The following COMMD8 variants were observed in gnomAD, a reference collection of about 807,000 sequenced individuals.
COMMD8 encodes COMM domain containing 8.
Under a neutral mutation model 27.2 loss-of-function variants are expected in COMMD8, and 28 were observed. That is an observed-to-expected ratio of 1.03 (90% CI 0.76 to 1.41). The LOEUF (loss-of-function observed/expected upper bound fraction) is 1.41. COMMD8 is among the 40% of genes most tolerant of loss of function. The pLI, the probability that COMMD8 is intolerant of heterozygous loss-of-function variation, is 0.00. For missense variants in COMMD8, 217 were observed against 211.2 expected (o/e 1.03, Z -0.17); for synonymous variants, 79 against 75.5 (o/e 1.05, Z -0.24).
At chr4:47,452,232 C>A (rs1729771142) in intron 4 of COMMD8, among the ~76,000 whole-genome samples, 1 of 152,166 alleles carries the variant, frequency 6.6e-6, no homozygotes, top group African/African-American at 2.4e-5. Flanking sequence ...TGTTATTTAG[C>A]CACTCCATTG....
rs896230638 is a variant in COMMD8, at chr4:47,457,932, T to TA, written c.223-1204dup. On this transcript the variant is annotated intron_variant, in intron 2 of 4. Transcript: ENST00000381571. ...TTGGCAATCCAAATCAAGAGATATA[T>TA]AAAAAAAAAGATAATACATCACGAT... Among the ~76,000 whole-genome samples, 17 of 149,808 alleles carry TA rather than the reference T, an allele frequency of 1.1e-4. No individual in the cohort carries two copies. In the South Asian group the frequency reaches 1.3e-3, roughly 11 times the overall value.
At position 47,450,988 on chromosome 4, in the gene COMMD8, G is replaced by C. The variant is rs1228770605; in HGVS notation, c.*657C>G. On this transcript the variant is annotated 3_prime_UTR_variant, in exon 5 of 5. Transcript: ENST00000381571. The stretch of plus-strand genomic sequence containing the variant: ...ATCAGAGCAATGTTTCCCAAACATA[G>C]AAGCGCAGAAGTAAAATGTTATTTT... The C allele has an allele frequency of 1.3e-5, 2 of 152,300 alleles. No homozygotes were observed. Among genetic ancestry groups the C allele is most frequent in the African/African-American group, 4.8e-5 (2 of 41,458 alleles). 9.4% of individuals were successfully genotyped at this position (152,300 alleles called of 1,614,324 possible). A position where few individuals can be genotyped will look rare whatever the true frequency, so the allele number is the denominator to read the frequency against.
chr4:47,462,422 G>C (rs1283218172), intron 1 of COMMD8, among the ~76,000 whole-genome samples: 1 of 152,120 alleles, frequency 6.6e-6, no homozygotes, highest in African/African-American at 2.4e-5. Context: ...GGGAGGAGTA[G>C]GTCCAGGGGG....
chr4:47,463,101 G>A (rs1730103373), intron 1 of COMMD8, among the ~76,000 whole-genome samples: 1 of 152,132 alleles, frequency 6.6e-6, no homozygotes, highest in South Asian at 2.1e-4. Context: ...GAAGTCAATG[G>A]GTACATCACC....
intron 1 of COMMD8, among the ~76,000 whole-genome samples, chr4:47,462,679 A>G (rs1357109635): frequency 6.6e-6 from 1 of 152,148 alleles, no homozygotes; most frequent in African/African-American, 2.4e-5. Context: ...CCAAAAGCCA[A>G]TAAAACACTC....
intron 3 of COMMD8, among the ~76,000 whole-genome samples, chr4:47,455,223 C>T (rs572551311): frequency 4.6e-4 from 70 of 152,250 alleles, no homozygotes; most frequent in African/African-American, 1.6e-3. Context: ...GCCATGTTGG[C>T]CAGGCCAGTC....
In COMMD8 at chr4:47,453,204, G is replaced by C. The variant is rs763205373; in HGVS notation, c.386C>G (p.Ser129Cys). 4 of 1,613,238 alleles carry C rather than the reference G, an allele frequency of 2.5e-6. No homozygotes were observed. The African/African-American group carries it at 4.0e-5, about 16-fold the overall frequency. ...TCGTAATGCAGCAATCTTGTCACTG[G>C]AAAGTGCAAGCTGTTTAAAATCAGA... Reference protein sequence around the residue: ...DFDWQVKLALSSDKIAALRMP... With the variant: ...DFDWQVKLALCSDKIAALRMP... The change falls in exon 4 of 5, where the codon TCC becomes TGC. Residue 129 changes from serine to cysteine, a missense_variant. Coordinates refer to ENST00000381571, the MANE Select transcript of COMMD8 (RefSeq NM_017845.5).
At chr4:47,463,452 C>T in intron 1 of COMMD8, 134 bp downstream of exon 1, 1 of 839,714 alleles carries the variant, frequency 1.2e-6, no homozygotes, top group Non-Finnish European at 1.8e-6. Flanking sequence ...GACCAACCAC[C>T]CGAAATCACG....
Position 47,453,082 on chromosome 4 carries a change from G to A in COMMD8, c.508C>T (p.Gln170Ter), listed in dbSNP as rs145833048. The A allele has an allele frequency of 6.3e-5, 101 of 1,612,940 alleles. No individual in the cohort carries two copies. Among genetic ancestry groups the A allele is most frequent in the African/African-American group, 9.4e-5 (7 of 74,810 alleles). Residue 170 changes from glutamine (Q) to a stop codon, truncating the protein, a stop_gained, in exon 4 of 5, where the codon CAG (glutamine) becomes TAG (stop). Transcript: ENST00000381571. LOFTEE classifies it high-confidence loss of function. ...ACCTTATTCGCTGCTTCCAAGGACT[G>A]TATTAGATTCTGCAGCTCCTCTCTA... The part of the protein sequence containing the change: ...MSREELQNLI[Q>*]SLEAANKVVL...
chr4:47,451,677 A>T lies in COMMD8; in HGVS notation c.532-12T>A. 6.4e-7 allele frequency: 1 copy of T among 1,564,518 alleles called. No homozygotes were observed. The highest frequency in any genetic ancestry group is 8.6e-7 in the Non-Finnish European group (1 of 1,159,044). On this transcript the variant is annotated splice_polypyrimidine_tract_variant and intron_variant, in intron 4 of 4. Transcript: ENST00000381571. Reference sequence around the variant, plus strand: ...AACTGCAGGACCACCTTAAAACACAAATTGAAGAGAAAATATCAGGTTATA... The same window carrying T: ...AACTGCAGGACCACCTTAAAACACATATTGAAGAGAAAATATCAGGTTATA...
chr4:47,454,178 G>A (rs1331710777), intron 3 of COMMD8, among the ~76,000 whole-genome samples: 1 of 152,182 alleles, frequency 6.6e-6, no homozygotes, highest in African/African-American at 2.4e-5. Context: ...GTGCTACCTT[G>A]AGAAGCGGTT....
chr4:47,458,181 T>C (rs1729939320), intron 2 of COMMD8, among the ~76,000 whole-genome samples: 1 of 152,102 alleles, frequency 6.6e-6, no homozygotes, highest in African/African-American at 2.4e-5. Flanking sequence ...GGTGAAATAG[T>C]AAACACTTTC....
chr4:47,460,145 T>A lies in COMMD8; in HGVS notation c.221A>T (p.Glu74Val). The change falls in exon 2 of 5, where the codon GAG (glutamate) becomes GTG (valine). Residue 74 changes from glutamate to valine, a missense_variant and splice_region_variant. By Grantham distance (121) the Glu-to-Val change is moderately radical (BLOSUM62 -2). Coordinates refer to ENST00000381571, the MANE Select transcript of COMMD8 (RefSeq NM_017845.5). ...TATAGAAATGTGCAGAGAAGTTACC[T>A]CTTCATCAGGTAAGTTTTTACCAAC... ...AIVGKNLPDE[E>V]IFQQLNQLNS... The A allele has an allele frequency of 1.2e-6, 2 of 1,612,168 alleles. No homozygotes were observed. The highest frequency in any genetic ancestry group is 1.7e-6 in the Non-Finnish European group (2 of 1,179,138).
rs753734842 is a variant in COMMD8 at position 47,453,149 on chromosome 4, T to A, written c.441A>T (p.Val147=). 1 of 1,614,000 alleles carries A rather than the reference T, an allele frequency of 6.2e-7. No homozygotes were observed. The highest frequency in any genetic ancestry group is 1.1e-5 in the South Asian group (1 of 91,088). ...AAGGTTTTACTTCACCATTTTCTTT[T>A]ACATCTAGATGCAGGCTTAAAAGTG... is the stretch of plus-strand genomic sequence containing the variant. ...RMPLLSLHLD[V]KENGEVKPYS... is the part of the protein sequence containing the mutation. The change falls in exon 4 of 5, where the codon GTA becomes GTT. Residue 147 remains valine (V), a synonymous_variant. Transcript: ENST00000381571.
At position 47,456,298 on chromosome 4, in the gene COMMD8, A is replaced by ATATATG. The variant is rs1430343028; in HGVS notation, c.375+278_375+279insCATATA. ...TATATATATATATATATATATATATATATGTATATGTTGACTATATGCTGC... is the reference window on the plus strand; with the variant it reads ...TATATATATATATATATATATATATATATATGTATGTATATGTTGACTATATGCTGC... On this transcript the variant is annotated intron_variant, in intron 3 of 4. Coordinates refer to ENST00000381571, the MANE Select transcript of COMMD8 (RefSeq NM_017845.5). Among the ~76,000 whole-genome samples the ATATATG allele has an allele frequency of 3.6e-3, 466 of 130,992 alleles. 3 individuals carry two copies. Among genetic ancestry groups the ATATATG allele is most frequent in the African/African-American group, 0.013 (434 of 33,972 alleles). The allele number at this position is 130,992 out of a possible 152,430, so 85.9% of individuals were successfully genotyped here.
intron 2 of COMMD8, among the ~76,000 whole-genome samples, chr4:47,458,210 G>GAT (rs1321401280): frequency 6.6e-6 from 1 of 151,942 alleles, no homozygotes; most frequent in African/African-American, 2.4e-5. Context: ...GTTAGGAATA[G>GAT]ATATATATCT....
chr4:47,462,946 C>A (rs1220743539), intron 1 of COMMD8, among the ~76,000 whole-genome samples: 2 of 152,154 alleles, frequency 1.3e-5, no homozygotes, highest in Non-Finnish European at 2.9e-5. Context: ...GATGCTCCAC[C>A]AGGGCACAGG....
intron 3 of COMMD8, among the ~76,000 whole-genome samples, chr4:47,454,864 C>CA (rs1187989270): frequency 0.26 from 10,140 of 39,170 alleles, 1,895 homozygotes; most frequent in Middle Eastern, 0.3. Context: ...AACTCCATCT[C>CA]AAAAAAAAAA....
chr4:47,452,068 A>T (rs1021025282), intron 4 of COMMD8, among the ~76,000 whole-genome samples: 1 of 152,264 alleles, frequency 6.6e-6, no homozygotes, highest in Non-Finnish European at 1.5e-5. Flanking sequence ...AGAATCACTG[A>T]GACTTAATCA....
Sources: gnomAD v4.1 joint callset for allele counts (sites outside exome capture counted in the v4.1 genomes callset) on GRCh38, gnomAD v4.1.1 for gene constraint, MANE v1.5 for transcripts, NCBI Gene and HGNC (gene_info 2026-07-23, HGNC 2026-07-21) for gene names.